Variants in MEF2A observed in about 807,000 individuals in gnomAD.
MEF2A encodes myocyte enhancer factor 2A, also known as myocyte-specific enhancer factor 2A.
Under a neutral mutation model 55.8 loss-of-function variants are expected in MEF2A, and 28 were observed. The ratio of observed to expected loss-of-function variants is 0.50; its 90% CI spans 0.37 to 0.69. MEF2A has a LOEUF of 0.69. Among genes scored for constraint, MEF2A ranks in the 30% least tolerant of loss-of-function variants. MEF2A has a pLI of 0.00. For synonymous variants in MEF2A, 239 were observed against 227.1 expected (o/e 1.05, Z -0.47); for missense variants, 528 against 626.2 (o/e 0.84, Z 1.67).
At chr15:99,635,954 G>T (rs771436128) in intron 3 of MEF2A, among the ~76,000 whole-genome samples, 1 of 152,136 alleles carries the variant, frequency 6.6e-6, no homozygotes, top group African/African-American at 2.4e-5. Flanking sequence ...AGTCATAAGG[G>T]TATGCATTTG....
intron 2 of MEF2A, among the ~76,000 whole-genome samples, chr15:99,601,885 T>C (rs2153080396): frequency 6.6e-6 from 1 of 151,054 alleles, no homozygotes; most frequent in Admixed American, 6.6e-5. Flanking sequence ...TCAGAATGAG[T>C]TAAAATTTCT....
At chr15:99,601,598 C>G (rs192027111) in intron 2 of MEF2A, among the ~76,000 whole-genome samples, 24 of 150,586 alleles carry the variant, frequency 1.6e-4, no homozygotes, top group Non-Finnish European at 2.8e-4. Flanking sequence ...GGTCACCTAC[C>G]TCCCCTCCTG....
In MEF2A at chr15:99,645,645, A is replaced by G; in HGVS notation, c.139A>G (p.Ile47Val). ...VLCDCEIALI[I>V]FNSSNKLFQY... ...CTGTGACTGTGAAATAGCACTCATC[A>G]TTTTCAACAGCTCTAACAAACTGTT... The change falls in exon 4 of 12, where the codon ATT (isoleucine) becomes GTT (valine). Residue 47 changes from isoleucine to valine, a missense_variant. By Grantham distance (29) the Ile-to-Val change is conservative. Around this residue, in one of 2 missense-constraint regions of MEF2A, gnomAD observed 78 missense variants for 150.9 expected, o/e 0.52. Transcript: ENST00000557942. The G allele has an allele frequency of 6.2e-7, 1 of 1,613,760 alleles. No individual in the cohort carries two copies. Among genetic ancestry groups the G allele is most frequent in the Non-Finnish European group, 8.5e-7 (1 of 1,179,714 alleles).
intron 7 of MEF2A, among the ~76,000 whole-genome samples, chr15:99,682,707 C>G (rs1330005171): frequency 6.6e-6 from 1 of 152,190 alleles, no homozygotes; most frequent in East Asian, 1.9e-4. Flanking sequence ...TTTAAGTCCC[C>G]TCTTACTCTT....
intron 2 of MEF2A, among the ~76,000 whole-genome samples, chr15:99,629,349 C>T (rs1055037023): frequency 3.3e-5 from 5 of 152,224 alleles, no homozygotes; most frequent in African/African-American, 1.2e-4. Context: ...TGGCCAGTCG[C>T]CATGAGAGCA....
At position 99,710,651 on chromosome 15, in the gene MEF2A, G is replaced by A. The variant is rs373128826; in HGVS notation, c.1027G>A (p.Ala343Thr). Residue 343 changes from alanine (A) to threonine (T), a missense_variant, in exon 11 of 12, where the codon GCT (alanine) becomes ACT (threonine). Physicochemically the swap from Ala to Thr is moderately conservative, Grantham distance 58 (BLOSUM62 0). Transcript: ENST00000557942. ...CTTTGTAGATTATTCACTGACCAGCGCTGACCTGTCAGCCCTTCAAGGCTT... is the reference window on the plus strand; with the variant it reads ...CTTTGTAGATTATTCACTGACCAGCACTGACCTGTCAGCCCTTCAAGGCTT... Reference protein sequence around the residue: ...AYNTDYSLTSADLSALQGFNS... With the variant: ...AYNTDYSLTSTDLSALQGFNS... 1.2e-5 allele frequency: 19 copies of A among 1,613,200 alleles called. No homozygotes were observed. In the African/African-American group the frequency reaches 1.2e-4, roughly 10 times the overall value.
intron 10 of MEF2A, among the ~76,000 whole-genome samples, chr15:99,708,096 G>A (rs1027108360): frequency 1.3e-5 from 2 of 152,232 alleles, no homozygotes; most frequent in Non-Finnish European, 2.9e-5. Flanking sequence ...TAAAGCCAGG[G>A]ATGAAGCATT....
chr15:99,712,018 C>G lies in MEF2A; in HGVS notation c.1137-372C>G, dbSNP rs2058692448. Among the ~76,000 whole-genome samples the G allele has an allele frequency of 6.6e-6, 1 of 152,194 alleles. No homozygotes were observed. Among genetic ancestry groups the G allele is most frequent in the Admixed American group, 6.5e-5 (1 of 15,278 alleles). ...GTTGTGCCCTGTCACAGGGCCAGAG[C>G]AGATGGGGAGCAGATGCTGAGGAAG... On this transcript the variant is annotated intron_variant, in intron 11 of 11. Transcript: ENST00000557942. This position sits in a 1 kb window ranked among gnomAD's most constrained non-coding sequence, Gnocchi z 4.1.
intron 1 of MEF2A, among the ~76,000 whole-genome samples, chr15:99,594,104 A>G (rs1970312740): frequency 6.6e-6 from 1 of 152,126 alleles, no homozygotes; most frequent in Non-Finnish European, 1.5e-5. Flanking sequence ...ATGGCATCAT[A>G]TCCTACAGGT....
At chr15:99,708,157 A>G (rs568470281) in intron 10 of MEF2A, among the ~76,000 whole-genome samples, 2 of 152,238 alleles carry the variant, frequency 1.3e-5, no homozygotes, top group Non-Finnish European at 2.9e-5. Flanking sequence ...GAGAGACTGT[A>G]CTAGGGACAT....
chr15:99,639,933 T>C (rs2044582142), intron 3 of MEF2A, among the ~76,000 whole-genome samples: 1 of 152,218 alleles, frequency 6.6e-6, no homozygotes, highest in Non-Finnish European at 1.5e-5. Flanking sequence ...ATGTATTGTC[T>C]CTGTTTCAGA....
At chr15:99,691,744 G>A (rs991083568) in intron 8 of MEF2A, among the ~76,000 whole-genome samples, 1 of 151,430 alleles carries the variant, frequency 6.6e-6, no homozygotes, top group African/African-American at 2.4e-5. Flanking sequence ...ACTATTGTAG[G>A]ATAGGGAAGA....
intron 4 of MEF2A, among the ~76,000 whole-genome samples, chr15:99,666,910 A>G (rs182640686): frequency 5.3e-5 from 8 of 152,350 alleles, no homozygotes; most frequent in African/African-American, 1.4e-4. Flanking sequence ...TAATGCTGCA[A>G]TATAAATAAC....
chr15:99,633,197 T>C, intron 3 of MEF2A, 24 bp downstream of exon 3: 1 of 1,476,364 alleles, frequency 6.8e-7, no homozygotes, highest in Non-Finnish European at 9.1e-7. Context: ...TTAATTTATT[T>C]AATTGATATG....
intron 7 of MEF2A, among the ~76,000 whole-genome samples, chr15:99,676,634 G>A (rs560610568): frequency 1.3e-5 from 2 of 151,090 alleles, no homozygotes; most frequent in Admixed American, 1.3e-4. Context: ...GTGCAGTGGC[G>A]CCATCTCCGC....
intron 2 of MEF2A, among the ~76,000 whole-genome samples, chr15:99,627,583 C>T (rs998914518): frequency 6.6e-6 from 1 of 151,964 alleles, no homozygotes; most frequent in Admixed American, 6.6e-5. Flanking sequence ...GTCTAACAAA[C>T]TGGTATATGT....
chr15:99,580,991 G>T (rs1965755220), intron 1 of MEF2A, among the ~76,000 whole-genome samples: 1 of 152,000 alleles, frequency 6.6e-6, no homozygotes, highest in Non-Finnish European at 1.5e-5. Flanking sequence ...AATCTGTTAG[G>T]TAGCTTAATT....
At chr15:99,591,466 C>T (rs1324123078) in intron 1 of MEF2A, among the ~76,000 whole-genome samples, 1 of 152,038 alleles carries the variant, frequency 6.6e-6, no homozygotes, top group Non-Finnish European at 1.5e-5. Context: ...GTAAGATTTT[C>T]TCTATATGAC....
At chr15:99,623,459 T>C (rs1011275395) in intron 2 of MEF2A, among the ~76,000 whole-genome samples, 3 of 152,220 alleles carry the variant, frequency 2.0e-5, no homozygotes, top group Non-Finnish European at 4.4e-5. Flanking sequence ...TATATTTAAT[T>C]TTCTGAGCAA....
Sources: gnomAD v4.1 joint callset for allele counts (sites outside exome capture counted in the v4.1 genomes callset) on GRCh38, gnomAD v4.1.1 for gene constraint, gnomAD v4.1.1 regional missense constraint, Gnocchi (gnomAD v3.1) non-coding constraint, MANE v1.5 for transcripts, NCBI Gene and HGNC (gene_info 2026-07-23, HGNC 2026-07-21) for gene names.